The following RNGTT variants were observed in gnomAD, a reference collection of about 807,000 sequenced individuals.
RNGTT encodes mRNA-capping enzyme.
In RNGTT, 33 loss-of-function variants were observed where a neutral mutation model predicts 79.3. That is an observed-to-expected ratio of 0.42 (90% CI 0.32 to 0.56). The LOEUF is 0.56. Ranked by LOEUF, RNGTT falls within the 20% of genes least tolerant of loss-of-function variation. The probability of loss-of-function intolerance (pLI) is 0.17; values close to 1 mark genes in which losing one functional copy is unlikely to be tolerated. For missense variants in RNGTT, 497 were observed against 739.1 expected, an observed-to-expected ratio of 0.67 and a Z score of 3.80; for synonymous variants, 222 against 235.9, an observed-to-expected ratio of 0.94 and a Z score of 0.54.
At position 88,697,954 on chromosome 6, in the gene RNGTT, G is replaced by GAT. The variant is rs59836206; in HGVS notation, c.1440-19537_1440-19536dup. Among the ~76,000 whole-genome samples, 7 of 77,704 alleles carry GAT rather than the reference G, an allele frequency of 9.0e-5. No individual in the cohort carries two copies. The South Asian group carries it at 1.1e-3, about 12-fold the overall frequency. The allele number at this position is 77,704 out of a possible 152,430, so 51.0% of individuals were successfully genotyped here. A position where few individuals can be genotyped will look rare whatever the true frequency, so the allele number is the denominator to read the frequency against. On this transcript the variant is annotated intron_variant, in intron 13 of 15. Coordinates refer to ENST00000369485, the MANE Select transcript of RNGTT (RefSeq NM_003800.5). ...ATATATATATGAAATACATATATATGATATATATATATGAAATACATATAT... is the reference window on the plus strand; with the variant it reads ...ATATATATATGAAATACATATATATGATATATATATATATGAAATACATATAT...
At chr6:88,799,721 A>AC in intron 12 of RNGTT, among the ~76,000 whole-genome samples, 1 of 151,434 alleles carries the variant, frequency 6.6e-6, no homozygotes, top group African/African-American at 2.4e-5. Flanking sequence ...AAAAAAAAAA[A>AC]AAGTATGGTT....
chr6:88,944,118 AAAG>A (rs1784933376), intron 1 of RNGTT, among the ~76,000 whole-genome samples: 1 of 151,562 alleles, frequency 6.6e-6, no homozygotes, highest in Admixed American at 6.6e-5. Flanking sequence ...ACTTCACTGA[AAAG>A]AAAAAAACAA....
rs548516999 is a variant in RNGTT, at chr6:88,673,130, A to AC, written c.1506+5222dup. Among the ~76,000 whole-genome samples, 1,461 of 152,284 alleles carry AC rather than the reference A, an allele frequency of 9.6e-3. 9 individuals are homozygous for AC. The highest frequency in any genetic ancestry group is 0.013 in the Non-Finnish European group (906 of 68,010). ...CAAACACTGCCTCCAACACCAAGCCACCCACACTGAGGAACTTAAGTCCTG... is the reference window on the plus strand; with the variant it reads ...CAAACACTGCCTCCAACACCAAGCCACCCCACACTGAGGAACTTAAGTCCTG... On this transcript the variant is annotated intron_variant, in intron 14 of 15. Coordinates refer to ENST00000369485, the MANE Select transcript of RNGTT (RefSeq NM_003800.5).
At chr6:88,803,680 A>AG (rs1169864498) in intron 11 of RNGTT, among the ~76,000 whole-genome samples, 1 of 146,596 alleles carries the variant, frequency 6.8e-6, no homozygotes, top group Non-Finnish European at 1.5e-5. Context: ...AAAAAAAAAA[A>AG]GGTTAAAAAA....
intron 13 of RNGTT, among the ~76,000 whole-genome samples, chr6:88,733,743 A>C (rs536374382): frequency 6.6e-6 from 1 of 152,074 alleles, no homozygotes; most frequent in Non-Finnish European, 1.5e-5. Context: ...GTAAGAGTAC[A>C]TAACAAGAAT....
intron 8 of RNGTT, 125 bp downstream of exon 8, chr6:88,890,370 A>G: frequency 3.2e-6 from 2 of 628,248 alleles, no homozygotes; most frequent in East Asian, 5.8e-5. Context: ...ATAATTTTTG[A>G]AACATTTATT....
intron 10 of RNGTT, among the ~76,000 whole-genome samples, chr6:88,848,195 A>C (rs910180329): frequency 1.3e-5 from 2 of 152,134 alleles, no homozygotes; most frequent in Non-Finnish European, 2.9e-5. Context: ...TAATAATATA[A>C]ATGTGTGATA....
chr6:88,849,499 T>C (rs1781595755), intron 10 of RNGTT, among the ~76,000 whole-genome samples: 1 of 151,940 alleles, frequency 6.6e-6, no homozygotes, highest in Non-Finnish European at 1.5e-5. Context: ...TGAAATGCTG[T>C]CTTATTTTAT....
At chr6:88,885,925 T>C (rs1782841388) in intron 8 of RNGTT, among the ~76,000 whole-genome samples, 1 of 152,032 alleles carries the variant, frequency 6.6e-6, no homozygotes, top group African/African-American at 2.4e-5. Flanking sequence ...TGAGGAAACA[T>C]CAAACAAACT....
intron 4 of RNGTT, among the ~76,000 whole-genome samples, chr6:88,919,448 A>T (rs1042033694): frequency 4.6e-5 from 7 of 152,296 alleles, no homozygotes; most frequent in Admixed American, 2.6e-4. Flanking sequence ...GGGGCTGGTG[A>T]CAATGTATCT....
intron 13 of RNGTT, among the ~76,000 whole-genome samples, chr6:88,732,648 A>C (rs1162308716): frequency 6.6e-6 from 1 of 152,238 alleles, no homozygotes; most frequent in Non-Finnish European, 1.5e-5. Flanking sequence ...TGGTATATAG[A>C]TATAATTGAA....
intron 8 of RNGTT, among the ~76,000 whole-genome samples, chr6:88,883,194 A>ATCGAAG (rs1449094175): frequency 1.4e-5 from 2 of 147,580 alleles, no homozygotes; most frequent in Non-Finnish European, 3.0e-5. Context: ...AAAAAAAAAA[A>ATCGAAG]ATCGAAGTGC....
chr6:88,728,981 C>T (rs1038122380), intron 13 of RNGTT, among the ~76,000 whole-genome samples: 2 of 152,184 alleles, frequency 1.3e-5, no homozygotes, highest in Non-Finnish European at 2.9e-5. Context: ...CCCCTTTCCA[C>T]TAGGGTGGTC....
intron 1 of RNGTT, among the ~76,000 whole-genome samples, chr6:88,955,855 T>C (rs1213138923): frequency 6.6e-6 from 1 of 151,808 alleles, no homozygotes; most frequent in Non-Finnish European, 1.5e-5. Context: ...CTGACCAACA[T>C]GGTGAAATCC....
At chr6:88,831,492 G>A (rs910082967) in intron 11 of RNGTT, among the ~76,000 whole-genome samples, 3 of 152,070 alleles carry the variant, frequency 2.0e-5, no homozygotes, top group South Asian at 2.1e-4. Flanking sequence ...CATACTACAC[G>A]GGCAAAAGCT....
At chr6:88,701,230 G>A (rs1342439442) in intron 13 of RNGTT, among the ~76,000 whole-genome samples, 1 of 152,008 alleles carries the variant, frequency 6.6e-6, no homozygotes, top group Non-Finnish European at 1.5e-5. Context: ...ATGCTGGAAA[G>A]GTATGTAGTA....
chr6:88,769,294 G>A (rs6454721), intron 13 of RNGTT, among the ~76,000 whole-genome samples: 21,013 of 151,334 alleles, frequency 0.14, 1,583 homozygotes, highest in Middle Eastern at 0.24. Context: ...CCGAGTAGCT[G>A]GGACCACAGG....
intron 8 of RNGTT, among the ~76,000 whole-genome samples, chr6:88,881,281 ATT>A (rs1237957373): frequency 6.6e-6 from 1 of 152,132 alleles, no homozygotes; most frequent in African/African-American, 2.4e-5. Context: ...ATTGAGAATC[ATT>A]TTGTTTAACT....
chr6:88,935,293 C>A (rs1196714390), intron 2 of RNGTT, among the ~76,000 whole-genome samples: 1 of 152,162 alleles, frequency 6.6e-6, no homozygotes, highest in Non-Finnish European at 1.5e-5. Flanking sequence ...TGTTTTTACA[C>A]CAATGCCATG....
Sources: allele counts gnomAD v4.1 joint callset (sites outside exome capture counted in the v4.1 genomes callset), GRCh38; gene constraint gnomAD v4.1.1; transcripts MANE v1.5; gene names NCBI Gene and HGNC (gene_info 2026-07-23, HGNC 2026-07-21).